The following NUMB variants were observed in gnomAD, a reference collection of about 807,000 sequenced individuals.
NUMB encodes the protein protein numb homolog.
NUMB carries 29 observed loss-of-function variants against 59.7 expected under a neutral mutation model. The observed-to-expected ratio is 0.49, with a 90% CI of 0.36 to 0.66. The LOEUF is 0.66. Ranked by LOEUF, NUMB falls within the 30% of genes least tolerant of loss-of-function variation. The pLI, the probability that NUMB is intolerant of heterozygous loss-of-function variation, is 0.00. For synonymous variants in NUMB, 288 were observed against 288.2 expected (o/e 1.00, Z 0.01); for missense variants, 723 against 822.0 (o/e 0.88, Z 1.47).
At chr14:73,424,995 C>T (rs988917520) in intron 1 of NUMB, among the ~76,000 whole-genome samples, 3 of 152,138 alleles carry the variant, frequency 2.0e-5, no homozygotes, top group African/African-American at 7.2e-5. Context: ...GTTCTTCTTT[C>T]TCCTAAAAGA....
At chr14:73,379,715 T>C (rs8020056) in intron 2 of NUMB, among the ~76,000 whole-genome samples, 1,884 of 152,302 alleles carry the variant, frequency 0.012, 38 homozygotes, top group African/African-American at 0.043. Flanking sequence ...GGAACAAGTG[T>C]ACAGGTCCTG....
At chr14:73,320,252 A>G (rs1314778405) in intron 5 of NUMB, among the ~76,000 whole-genome samples, 1 of 152,250 alleles carries the variant, frequency 6.6e-6, no homozygotes, top group Non-Finnish European at 1.5e-5. Context: ...AAAACTACAT[A>G]TAACATTTGC....
chr14:73,420,206 T>A (rs568422256), intron 1 of NUMB, among the ~76,000 whole-genome samples: 89 of 152,310 alleles, frequency 5.8e-4, no homozygotes, highest in Non-Finnish European at 1.2e-3. Context: ...TTTCCAGGTA[T>A]GAGAGCAGTG....
intron 8 of NUMB, among the ~76,000 whole-genome samples, chr14:73,291,591 T>A (rs969628545): frequency 1.3e-5 from 2 of 152,070 alleles, no homozygotes; most frequent in African/African-American, 4.8e-5. Flanking sequence ...TTGGCCAGAC[T>A]GGTCTTGAAC....
intron 6 of NUMB, among the ~76,000 whole-genome samples, chr14:73,311,813 T>C (rs960561906): frequency 4.6e-5 from 7 of 152,226 alleles, no homozygotes; most frequent in Non-Finnish European, 7.3e-5. Flanking sequence ...TGCTTCATTT[T>C]GAGGTTTCAT....
intron 2 of NUMB, among the ~76,000 whole-genome samples, chr14:73,395,037 TTGTG>T (rs3028731): frequency 0.053 from 6,323 of 119,618 alleles, 180 homozygotes; most frequent in Middle Eastern, 0.11. Context: ...ATTCGTGTGT[TTGTG>T]TGTGTGTGTG....
intron 6 of NUMB, chr14:73,298,264 A>G (rs1372978962): frequency 2.6e-5 from 4 of 152,344 alleles, no homozygotes; most frequent in African/African-American, 7.2e-5. Context: ...GTATGATCAT[A>G]AAGCATTACA....
chr14:73,426,497 A>C, intron 1 of NUMB, among the ~76,000 whole-genome samples: 1 of 152,118 alleles, frequency 6.6e-6, no homozygotes, highest in East Asian at 1.9e-4. Flanking sequence ...ACTTGAGCCC[A>C]GGAGTTTGAG....
chr14:73,389,904 A>G (rs1456840739), intron 2 of NUMB, among the ~76,000 whole-genome samples: 1 of 152,228 alleles, frequency 6.6e-6, no homozygotes, highest in Non-Finnish European at 1.5e-5. Context: ...TTTATATACC[A>G]AAAGACCACC....
chr14:73,422,383 A>C (rs1897386935), intron 1 of NUMB, among the ~76,000 whole-genome samples: 1 of 152,162 alleles, frequency 6.6e-6, no homozygotes, highest in Non-Finnish European at 1.5e-5. Context: ...TTAAGCAATG[A>C]TAGAGCTCAA....
At chr14:73,321,845 CT>C (rs962300075) in intron 5 of NUMB, among the ~76,000 whole-genome samples, 3 of 152,036 alleles carry the variant, frequency 2.0e-5, no homozygotes, top group African/African-American at 7.2e-5. Context: ...ATGTCTGTAT[CT>C]TTTTTTAAAA....
At chr14:73,397,123 G>A (rs1035778258) in intron 2 of NUMB, among the ~76,000 whole-genome samples, 2 of 151,196 alleles carry the variant, frequency 1.3e-5, no homozygotes, top group Non-Finnish European at 3.0e-5. Flanking sequence ...GTGATATGCC[G>A]TCTCAAAAAA....
In NUMB at chr14:73,284,314, G is replaced by A. The variant is rs1179699153; in HGVS notation, c.716C>T (p.Pro239Leu). 18 of 1,614,004 alleles carry A rather than the reference G, an allele frequency of 1.1e-5. No individual in the cohort carries two copies. The Admixed American group carries it at 3.0e-4, about 27-fold the overall frequency. Residue 239 changes from proline (P) to leucine (L), a missense_variant, in exon 10 of 13, where the codon CCA becomes CTA. By Grantham distance (98) the Pro-to-Leu change is moderately conservative. Coordinates refer to ENST00000555238, the MANE Select transcript of NUMB (RefSeq NM_001005743.2). ...SVAPGNTAPSPSSPTSPTSDA... is the reference protein window; with the variant it reads ...SVAPGNTAPSLSSPTSPTSDA... ...AGAAGTAGGAGAGGTGGGAGAGGAT[G>A]GGGATGGGGCAGTGTTGCCAGGGGC...
intron 4 of NUMB, among the ~76,000 whole-genome samples, chr14:73,336,685 C>T (rs749237105): frequency 2.0e-5 from 3 of 152,098 alleles, no homozygotes; most frequent in Non-Finnish European, 4.4e-5. Context: ...TATAATCCAG[C>T]CTCAATTCTG....
intron 9 of NUMB, 115 bp downstream of exon 9, chr14:73,286,995 T>C (rs781614069): frequency 2.0e-6 from 2 of 1,005,962 alleles, no homozygotes; most frequent in Admixed American, 1.8e-5. Flanking sequence ...TATAAGGTTT[T>C]ATATTGCTAA....
chr14:73,391,957 G>A (rs531962167), intron 2 of NUMB, among the ~76,000 whole-genome samples: 3 of 152,154 alleles, frequency 2.0e-5, no homozygotes, highest in Non-Finnish European at 4.4e-5. Context: ...GTGTATATAC[G>A]GAAGAGGAGT....
At chr14:73,407,954 G>A (rs578059113) in intron 2 of NUMB, among the ~76,000 whole-genome samples, 13 of 152,294 alleles carry the variant, frequency 8.5e-5, no homozygotes, top group South Asian at 6.2e-4. Flanking sequence ...TTGGCCGGGC[G>A]TGGTGGCTCA....
intron 1 of NUMB, among the ~76,000 whole-genome samples, chr14:73,444,535 G>C (rs1883323074): frequency 6.6e-6 from 1 of 151,692 alleles, no homozygotes; most frequent in South Asian, 2.1e-4. Flanking sequence ...TTAAAATAAA[G>C]ATGTTTAAAA....
At chr14:73,292,942 T>C (rs966582361) in intron 7 of NUMB, 68 bp from the exon 8 acceptor site, 5 of 1,495,612 alleles carry the variant, frequency 3.3e-6, no homozygotes, top group Non-Finnish European at 4.6e-6. Flanking sequence ...GAACACAGGA[T>C]GTTCATTTCA....
Sources: allele counts gnomAD v4.1 joint callset (sites outside exome capture counted in the v4.1 genomes callset), GRCh38; gene constraint gnomAD v4.1.1; transcripts MANE v1.5; gene names NCBI Gene and HGNC (gene_info 2026-07-23, HGNC 2026-07-21).